HCLS1: variants seen among roughly 807,000 people sequenced by gnomAD.
The protein encoded by HCLS1 is hematopoietic lineage cell-specific protein.
HCLS1 carries 44 observed loss-of-function variants against 68.6 expected under a neutral mutation model. The ratio of observed to expected loss-of-function variants is 0.64; its 90% CI spans 0.50 to 0.82. The LOEUF (loss-of-function observed/expected upper bound fraction) is 0.82. HCLS1 is among the 40% of genes least tolerant of loss of function. The probability of loss-of-function intolerance (pLI) is 0.00; values close to 1 mark genes in which losing one functional copy is unlikely to be tolerated. For synonymous variants in HCLS1, 217 were observed against 225.8 expected, an observed-to-expected ratio of 0.96 and a Z score of 0.35; for missense variants, 602 against 612.1, an observed-to-expected ratio of 0.98 and a Z score of 0.17.
chr3:121,639,217 T>C (rs1188317510), intron 6 of HCLS1, among the ~76,000 whole-genome samples: 2 of 152,218 alleles, frequency 1.3e-5, no homozygotes, highest in Admixed American at 6.5e-5. Flanking sequence ...ATAAACCTAA[T>C]TGACTCTTAT....
chr3:121,659,727 C>T (rs985741526), intron 1 of HCLS1, among the ~76,000 whole-genome samples: 2 of 152,016 alleles, frequency 1.3e-5, no homozygotes, highest in African/African-American at 4.8e-5. Flanking sequence ...CCTTACTACC[C>T]CTCTGCTTCT....
rs773999994 is a variant in HCLS1 at position 121,633,065 on chromosome 3, A to C, written c.1008+2T>G. The C allele has an allele frequency of 5.6e-6, 9 of 1,597,756 alleles. No individual in the cohort carries two copies. Among genetic ancestry groups the C allele is most frequent in the Admixed American group, 3.3e-5 (2 of 59,706 alleles). On this transcript the variant is annotated splice_donor_variant, in intron 11 of 13. Coordinates refer to ENST00000314583, the MANE Select transcript of HCLS1 (RefSeq NM_005335.6). LOFTEE classifies it high-confidence loss of function. ...GCAGAGAATCTTTGGGGGTTTGCTT[A>C]CCTCCGGGAGAGTCTGCCTAATGGG...
chr3:121,637,008 C>A, intron 7 of HCLS1, 138 bp downstream of exon 7: 1 of 659,992 alleles, frequency 1.5e-6, no homozygotes. Flanking sequence ...TGTCCCCACA[C>A]ATGTGCTTAC....
At chr3:121,634,720 C>T (rs767472628) in intron 9 of HCLS1, among the ~76,000 whole-genome samples, 2 of 152,106 alleles carry the variant, frequency 1.3e-5, no homozygotes, top group Non-Finnish European at 2.9e-5. Flanking sequence ...CAGCCTCAAC[C>T]TCCCAGGCTC....
chr3:121,647,811 G>T (rs1937646796), intron 3 of HCLS1, among the ~76,000 whole-genome samples: 1 of 152,126 alleles, frequency 6.6e-6, no homozygotes, highest in Non-Finnish European at 1.5e-5. Context: ...TCAATTAGAG[G>T]ATGTGTCTCA....
At position 121,633,173 on chromosome 3, in the gene HCLS1, T is replaced by A; in HGVS notation, c.904-2A>T. On this transcript the variant is annotated splice_acceptor_variant, in intron 10 of 13. Transcript: ENST00000314583. LOFTEE classifies it high-confidence loss of function. ...AGGAGTCCCAACTGGAGGCCAGGCC[T>A]GTGGAAAATGAAGCATCTCTCAAGT... 1 of 1,585,588 alleles carries A rather than the reference T, an allele frequency of 6.3e-7. No homozygotes were observed. Among genetic ancestry groups the A allele is most frequent in the South Asian group, 1.1e-5 (1 of 87,528 alleles).
chr3:121,632,982 G>C (rs1463347857), intron 11 of HCLS1, 85 bp downstream of exon 11: 1 of 882,060 alleles, frequency 1.1e-6, no homozygotes. Flanking sequence ...AGGCAAACCA[G>C]GATGGTTGGC....
chr3:121,632,931 C>T (rs147065779), intron 11 of HCLS1, 136 bp downstream of exon 11: 15 of 627,556 alleles, frequency 2.4e-5, no homozygotes, highest in African/African-American at 2.0e-4. Flanking sequence ...GAGGAGTTTC[C>T]CAGAAGGCAA....
chr3:121,633,219 T>A, intron 10 of HCLS1, 48 bp from the exon 11 acceptor site: 5 of 1,173,536 alleles, frequency 4.3e-6, no homozygotes, highest in African/African-American at 1.6e-5. Context: ...CCATCTTCAC[T>A]CCTTTTTTTT....
chr3:121,645,022 T>C (rs1486548742), intron 4 of HCLS1, 94 bp from the exon 5 acceptor site: 1 of 943,744 alleles, frequency 1.1e-6, no homozygotes, highest in Non-Finnish European at 1.7e-6. Flanking sequence ...ATGTAAGAAA[T>C]TCCATTCTGG....
At chr3:121,643,118 A>C (rs1560140581) in intron 5 of HCLS1, 137 bp from the exon 6 acceptor site, 1 of 687,094 alleles carries the variant, frequency 1.5e-6, no homozygotes, top group Non-Finnish European at 2.6e-6. Context: ...TAATGTAGAA[A>C]CAGGCTGGTA....
At chr3:121,637,992 A>C (rs2108858830) in intron 6 of HCLS1, among the ~76,000 whole-genome samples, 1 of 152,282 alleles carries the variant, frequency 6.6e-6, no homozygotes, top group African/African-American at 2.4e-5. Context: ...TGGCTCCAGA[A>C]ACCAGAGACA....
intron 4 of HCLS1, among the ~76,000 whole-genome samples, chr3:121,645,798 T>C (rs1171351877): frequency 1.3e-5 from 2 of 149,660 alleles, no homozygotes; most frequent in African/African-American, 4.9e-5. Context: ...TATTTTGATC[T>C]AGAACAAAAG....
rs1223578288 is a variant in HCLS1, at chr3:121,635,157, G to A, written c.691+578C>T. ...GTTCTCTGCCTCCGATTCCTTCCCC[G>A]ACGTCACTCTGTCTATCCACTTGAC... On this transcript the variant is annotated intron_variant, in intron 9 of 13. Transcript: ENST00000314583. Among the ~76,000 whole-genome samples the A allele has an allele frequency of 4.0e-5, 6 of 150,066 alleles. No individual in the cohort carries two copies. In the East Asian group the frequency reaches 9.8e-4, roughly 25 times the overall value.
rs1057067979 is a variant in HCLS1, at chr3:121,647,379, C to A, written c.228G>T (p.Gly76=). The A allele has an allele frequency of 5.6e-6, 9 of 1,613,776 alleles. No individual in the cohort carries two copies. The African/African-American group carries it at 1.2e-4, about 22-fold the overall frequency. Reference sequence around the variant, plus strand: ...CTCCATAGCCATGGGATGCTTTGGGCCCTGACTCCATCTCTTTCTTCCTGA... The same window carrying A: ...CTCCATAGCCATGGGATGCTTTGGGACCTGACTCCATCTCTTTCTTCCTGA... The part of the protein sequence containing the change: ...DVLRKKEMES[G]PKASHGYGGR... The change falls in exon 4 of 14, where the codon GGG becomes GGT. Residue 76 remains glycine (G), a synonymous_variant. Coordinates refer to ENST00000314583, the MANE Select transcript of HCLS1 (RefSeq NM_005335.6).
chr3:121,639,945 A>G (rs2049181884), intron 6 of HCLS1, among the ~76,000 whole-genome samples: 1 of 152,180 alleles, frequency 6.6e-6, no homozygotes, highest in African/African-American at 2.4e-5. Flanking sequence ...TTTTAAAACA[A>G]GTAAATAATA....
Position 121,635,237 on chromosome 3 carries a change from TTCTCTCTCTCTCTCTCTC to T in HCLS1, c.691+480_691+497del, listed in dbSNP as rs201290743. On this transcript the variant is annotated intron_variant, in intron 9 of 13. Coordinates refer to ENST00000314583, the MANE Select transcript of HCLS1 (RefSeq NM_005335.6). ...TCTCTCTCTCTCTCTTCTCTCCCTT[TTCTCTCTCTCTCTCTCTC>T]TCTCTCTCTCTCTCTCTCTCCTCTC... Among the ~76,000 whole-genome samples, 282 of 114,444 alleles carry T rather than the reference TTCTCTCTCTCTCTCTCTC, an allele frequency of 2.5e-3. 6 individuals are homozygous for T. The highest frequency in any genetic ancestry group is 8.4e-4 in the African/African-American group (22 of 26,268). The allele number at this position is 114,444 out of a possible 152,430, so 75.1% of individuals were successfully genotyped here.
intron 3 of HCLS1, among the ~76,000 whole-genome samples, chr3:121,652,272 C>G (rs1937767499): frequency 6.6e-6 from 1 of 152,082 alleles, no homozygotes; most frequent in African/African-American, 2.4e-5. Flanking sequence ...TAGATATATT[C>G]TATATCTTGA....
intron 4 of HCLS1, among the ~76,000 whole-genome samples, chr3:121,646,755 T>C (rs1033048269): frequency 7.5e-6 from 1 of 134,006 alleles, no homozygotes; most frequent in Non-Finnish European, 1.5e-5. Flanking sequence ...AATAAATATA[T>C]ACTTATATAA....
Sources: allele counts gnomAD v4.1 joint callset (sites outside exome capture counted in the v4.1 genomes callset), GRCh38; gene constraint gnomAD v4.1.1; transcripts MANE v1.5; gene names NCBI Gene and HGNC (gene_info 2026-07-23, HGNC 2026-07-21).